VWA3B: variants seen among roughly 807,000 people sequenced by gnomAD.
VWA3B encodes von Willebrand factor A domain containing 3B, also known as von Willebrand factor A domain-containing protein 3B.
A neutral mutation model predicts 158.3 loss-of-function variants in VWA3B; 138 were observed. That is an observed-to-expected ratio of 0.87 (90% CI 0.76 to 1.00). The LOEUF is 1.00. Among genes scored for constraint, VWA3B ranks in the 50% least tolerant of loss-of-function variants. The probability of loss-of-function intolerance (pLI) is 0.00; values close to 1 mark genes in which losing one functional copy is unlikely to be tolerated. For missense variants in VWA3B, 1,555 were observed against 1,565.1 expected (o/e 0.99, Z 0.11); for synonymous variants, 596 against 587.3 (o/e 1.01, Z -0.21).
intron 7 of VWA3B, among the ~76,000 whole-genome samples, chr2:98,155,418 G>A (rs1431589965): frequency 6.6e-6 from 1 of 152,188 alleles, no homozygotes; most frequent in African/African-American, 2.4e-5. Context: ...CCAGTGTGGC[G>A]GTGGGGAGCT....
At chr2:98,152,767 C>T (rs1677741650) in intron 7 of VWA3B, among the ~76,000 whole-genome samples, 1 of 152,186 alleles carries the variant, frequency 6.6e-6, no homozygotes, top group East Asian at 1.9e-4. Flanking sequence ...GAACAGTGGA[C>T]TTTTCTGAGA....
intron 14 of VWA3B, among the ~76,000 whole-genome samples, chr2:98,227,046 G>A (rs1442418976): frequency 6.6e-6 from 1 of 152,138 alleles, no homozygotes; most frequent in African/African-American, 2.4e-5. Flanking sequence ...TCTGGCCAGG[G>A]CAATCGGGCA....
intron 26 of VWA3B, among the ~76,000 whole-genome samples, chr2:98,306,413 A>G (rs776461289): frequency 6.6e-6 from 1 of 152,170 alleles, no homozygotes; most frequent in Non-Finnish European, 1.5e-5. Context: ...GCAGATGCCC[A>G]GCGATGCTCC....
chr2:98,169,425 A>T (rs1410173392), intron 8 of VWA3B, among the ~76,000 whole-genome samples: 1 of 152,190 alleles, frequency 6.6e-6, no homozygotes, highest in African/African-American at 2.4e-5. Flanking sequence ...AAGGAAATAA[A>T]ATGGAATTAA....
chr2:98,157,213 T>C (rs1376308882), intron 7 of VWA3B, among the ~76,000 whole-genome samples: 3 of 152,174 alleles, frequency 2.0e-5, no homozygotes. Flanking sequence ...GATAACATAA[T>C]GGCTCTTGTG....
intron 2 of VWA3B, among the ~76,000 whole-genome samples, chr2:98,097,899 A>G (rs1573749156): frequency 6.6e-6 from 1 of 152,086 alleles, no homozygotes; most frequent in Non-Finnish European, 1.5e-5. Context: ...GGCCATTTGT[A>G]TATCTTCTTT....
intron 26 of VWA3B, among the ~76,000 whole-genome samples, chr2:98,308,006 T>C (rs762267245): frequency 1.6e-4 from 25 of 152,154 alleles, no homozygotes; most frequent in Non-Finnish European, 2.8e-4. Flanking sequence ...AGAAAGGCAT[T>C]TGGAGGCTGA....
chr2:98,200,068 C>T (rs149754287), intron 12 of VWA3B, among the ~76,000 whole-genome samples: 88 of 152,262 alleles, frequency 5.8e-4, no homozygotes, highest in Admixed American at 1.1e-3. Flanking sequence ...AAAGATGTCT[C>T]GTAGTATCCT....
Position 98,193,052 on chromosome 2 carries a change from C to T in VWA3B, c.1605+16C>T, listed in dbSNP as rs752869577. The T allele has an allele frequency of 1.5e-5, 24 of 1,599,590 alleles. No individual in the cohort carries two copies. The highest frequency in any genetic ancestry group is 1.7e-4 in the Middle Eastern group (1 of 6,016). The stretch of plus-strand genomic sequence containing the variant: ...GTTCATACAGGTTAGATGGAACTGT[C>T]GGTTCATGCATTTGGGGCTTTGTGT... On this transcript the variant is annotated intron_variant, in intron 11 of 27. Coordinates refer to ENST00000477737, the MANE Select transcript of VWA3B (RefSeq NM_144992.5).
intron 3 of VWA3B, among the ~76,000 whole-genome samples, chr2:98,119,095 CTGGCATGTTCAG>C (rs1452174472): frequency 6.6e-6 from 1 of 152,160 alleles, no homozygotes; most frequent in African/African-American, 2.4e-5. Context: ...GGAAGGTGTG[CTGGCATGTTCAG>C]TAGCATTTTC....
chr2:98,104,226 A>G (rs990237434), intron 2 of VWA3B, among the ~76,000 whole-genome samples: 2 of 152,208 alleles, frequency 1.3e-5, no homozygotes, highest in Non-Finnish European at 2.9e-5. Context: ...GTGTTGCTGT[A>G]AAGGTATGAC....
At chr2:98,171,646 T>C (rs1190353919) in intron 8 of VWA3B, among the ~76,000 whole-genome samples, 1 of 151,794 alleles carries the variant, frequency 6.6e-6, no homozygotes, top group South Asian at 2.1e-4. Flanking sequence ...TAGAGGATTG[T>C]AAGCAGGGGA....
intron 2 of VWA3B, among the ~76,000 whole-genome samples, chr2:98,103,248 T>C (rs570773297): frequency 5.9e-5 from 9 of 152,296 alleles, no homozygotes; most frequent in Non-Finnish European, 1.2e-4. Context: ...CATTTTTAGT[T>C]TGCTGGTTTT....
intron 1 of VWA3B, among the ~76,000 whole-genome samples, chr2:98,092,199 G>GT (rs1205218247): frequency 6.6e-6 from 1 of 152,174 alleles, no homozygotes; most frequent in Non-Finnish European, 1.5e-5. Context: ...TGTTCGACAG[G>GT]TAAAAACCTG....
chr2:98,229,160 G>C (rs1685153859), intron 15 of VWA3B, among the ~76,000 whole-genome samples: 1 of 152,192 alleles, frequency 6.6e-6, no homozygotes, highest in African/African-American at 2.4e-5. Context: ...TATTTTTTAA[G>C]TATTTGGGAA....
At chr2:98,156,051 C>A (rs866128165) in intron 7 of VWA3B, among the ~76,000 whole-genome samples, 5 of 152,160 alleles carry the variant, frequency 3.3e-5, no homozygotes, top group African/African-American at 9.7e-5. Context: ...GGGGTGGGGC[C>A]TAGGAATCTG....
At chr2:98,097,220 A>G (rs893151582) in intron 2 of VWA3B, among the ~76,000 whole-genome samples, 4 of 152,026 alleles carry the variant, frequency 2.6e-5, no homozygotes, top group African/African-American at 4.8e-5. Flanking sequence ...TGCACATTGG[A>G]CCCAATATTT....
intron 19 of VWA3B, among the ~76,000 whole-genome samples, chr2:98,240,646 A>T (rs1686018579): frequency 6.6e-6 from 1 of 152,162 alleles, no homozygotes. Flanking sequence ...GGTGTGTAGA[A>T]ATGCTTTGAA....
intron 8 of VWA3B, among the ~76,000 whole-genome samples, chr2:98,175,505 C>T (rs915531544): frequency 2.6e-5 from 4 of 152,042 alleles, no homozygotes; most frequent in Admixed American, 6.6e-5. Context: ...TTAGATAGCT[C>T]AATTGAGGTT....
Sources: gnomAD v4.1 joint callset for allele counts (sites outside exome capture counted in the v4.1 genomes callset) on GRCh38, gnomAD v4.1.1 for gene constraint, MANE v1.5 for transcripts, NCBI Gene and HGNC (gene_info 2026-07-23, HGNC 2026-07-21) for gene names.